Variants in ZNF577 observed in about 807,000 individuals in gnomAD.
The protein encoded by ZNF577 is zinc finger protein 577.
In ZNF577, 14 loss-of-function variants were observed where a neutral mutation model predicts 13.9. That is an observed-to-expected ratio of 1.00 (90% CI 0.66 to 1.57). ZNF577 has a LOEUF of 1.57. ZNF577 is among the 40% of genes most tolerant of loss of function. The pLI, the probability that ZNF577 is intolerant of heterozygous loss-of-function variation, is 0.00. For missense variants in ZNF577, 555 were observed against 579.2 expected, an observed-to-expected ratio of 0.96 and a Z score of 0.43; for synonymous variants, 203 against 202.9, an observed-to-expected ratio of 1.00 and a Z score of 0.00.
chr19:51,873,442 T>C lies in ZNF577; in HGVS notation c.548A>G (p.Glu183Gly). Residue 183 changes from glutamate (E) to glycine (G), a missense_variant, in exon 6 of 6, where the codon GAG (glutamate) becomes GGG (glycine). Transcript: ENST00000638348. ...LIQHQRTERG[E>G]KPHGCGECGK... is the part of the protein sequence containing the mutation. Reference sequence around the variant, plus strand: ...ACATTCACCACATCCATGGGGTTTCTCTCCTCTTTCAGTTCTCTGATGTTG... The same window carrying C: ...ACATTCACCACATCCATGGGGTTTCCCTCCTCTTTCAGTTCTCTGATGTTG... 2 of 1,614,236 alleles carry C rather than the reference T, an allele frequency of 1.2e-6. No homozygotes were observed. Among genetic ancestry groups the C allele is most frequent in the Non-Finnish European group, 8.5e-7 (1 of 1,180,044 alleles).
In ZNF577 at chr19:51,869,701, T is replaced by C. The variant is rs1401185392; in HGVS notation, c.*2831A>G. On this transcript the variant is annotated 3_prime_UTR_variant, in exon 6 of 6. Coordinates refer to ENST00000638348, the MANE Select transcript of ZNF577 (RefSeq NM_001370449.1). ...GTGTGGACGGGCTGGACCCCTTCAA[T>C]GTGGAGAAAAATGGCCAAAGGCAGA... 2.6e-5 allele frequency among the ~76,000 whole-genome samples: 4 copies of C among 152,106 alleles called. No homozygotes were observed. Among genetic ancestry groups the C allele is most frequent in the Non-Finnish European group, 5.9e-5 (4 of 68,022 alleles).
At chr19:51,843,623 T>G (rs902292774) in intron 6 of ZNF577, among the ~76,000 whole-genome samples, 6 of 152,204 alleles carry the variant, frequency 3.9e-5, no homozygotes, top group African/African-American at 1.2e-4. Context: ...ATTATACATA[T>G]TACAATAAAA....
At chr19:51,834,305 T>C (rs181296065) in intron 9 of ZNF577, among the ~76,000 whole-genome samples, 1 of 152,332 alleles carries the variant, frequency 6.6e-6, no homozygotes, top group Non-Finnish European at 1.5e-5. Flanking sequence ...GGCAAACTCC[T>C]GGCCTCAAGA....
chr19:51,804,825 G>C (rs1261353479), exon 11 of ZNF577: 2 of 152,198 alleles, frequency 1.3e-5, no homozygotes, highest in Admixed American at 6.5e-5. Flanking sequence ...TTTGGAAGAA[G>C]GGGTCCGGGG....
At chr19:51,813,647 C>A (rs1366810922) in intron 9 of ZNF577, among the ~76,000 whole-genome samples, 4 of 152,076 alleles carry the variant, frequency 2.6e-5, no homozygotes, top group African/African-American at 9.7e-5. Flanking sequence ...TTTCCCACCT[C>A]AGCCTCCCGA....
chr19:51,807,322 A>C (rs1245010213), intron 10 of ZNF577, among the ~76,000 whole-genome samples: 1 of 152,216 alleles, frequency 6.6e-6, no homozygotes, highest in Non-Finnish European at 1.5e-5. Flanking sequence ...CTCAATAGAT[A>C]ACTTCAAGGA....
chr19:51,839,557 T>A (rs999960318), intron 9 of ZNF577, among the ~76,000 whole-genome samples: 24 of 152,282 alleles, frequency 1.6e-4, no homozygotes, highest in Middle Eastern at 3.4e-3. Flanking sequence ...GGTTTCAGTA[T>A]GAAATGTTGG....
Position 51,867,695 on chromosome 19 carries a change from C to G in ZNF577, c.*4837G>C, listed in dbSNP as rs1427004883. On this transcript the variant is annotated 3_prime_UTR_variant, in exon 6 of 6. Transcript: ENST00000638348. ...AGCTACTCAGGAAGCTGAGGCAGGA[C>G]AATCACTTGAAACCGGAAGGTGGAG... 1.3e-5 allele frequency among the ~76,000 whole-genome samples: 2 copies of G among 151,696 alleles called. No individual in the cohort carries two copies. Among genetic ancestry groups the G allele is most frequent in the Non-Finnish European group, 2.9e-5 (2 of 67,966 alleles).
chr19:51,825,126 C>G, intron 9 of ZNF577: 1 of 271,854 alleles, frequency 3.7e-6, no homozygotes, highest in East Asian at 8.0e-5. Flanking sequence ...TTCGGACCAA[C>G]CAGCTTCAAT....
At position 51,871,434 on chromosome 19, in the gene ZNF577, T is replaced by A. The variant is rs796522534; in HGVS notation, c.*1098A>T. ...GCCTGGCCAGGTAGGTTAATTTATA[T>A]AATTTCAGAATAGATACAAATTTAC... On this transcript the variant is annotated 3_prime_UTR_variant, in exon 6 of 6. Coordinates refer to ENST00000638348, the MANE Select transcript of ZNF577 (RefSeq NM_001370449.1). 3 of 152,240 alleles carry A rather than the reference T, an allele frequency of 2.0e-5. No homozygotes were observed. Among genetic ancestry groups the A allele is most frequent in the African/African-American group, 7.2e-5 (3 of 41,536 alleles). 9.4% of individuals were successfully genotyped at this position (152,240 alleles called of 1,614,324 possible). A position where few individuals can be genotyped will look rare whatever the true frequency, so the allele number is the denominator to read the frequency against.
intron 4 of ZNF577, 87 bp downstream of exon 4, chr19:51,878,302 T>G (rs2084799648): frequency 7.2e-7 from 1 of 1,380,018 alleles, no homozygotes; most frequent in African/African-American, 1.5e-5. Context: ...ATATAATACT[T>G]TAGTCTAAAC....
intron 9 of ZNF577, among the ~76,000 whole-genome samples, chr19:51,814,006 C>A (rs1293587324): frequency 6.6e-6 from 1 of 152,198 alleles, no homozygotes; most frequent in Non-Finnish European, 1.5e-5. Context: ...GATGGTGAAG[C>A]AAAGGGCTTA....
intron 5 of ZNF577, among the ~76,000 whole-genome samples, chr19:51,849,422 G>A (rs1169702978): frequency 1.3e-5 from 2 of 152,096 alleles, no homozygotes; most frequent in Admixed American, 6.6e-5. Context: ...AAGGCGTTTC[G>A]TTCATGAGAA....
chr19:51,883,921 A>G (rs1028502333), intron 1 of ZNF577, among the ~76,000 whole-genome samples: 1 of 152,094 alleles, frequency 6.6e-6, no homozygotes, highest in African/African-American at 2.4e-5. Context: ...AAAAAATACA[A>G]AAATTAGCCT....
At chr19:51,822,864 T>C (rs1238357561) in intron 9 of ZNF577, among the ~76,000 whole-genome samples, 3 of 151,746 alleles carry the variant, frequency 2.0e-5, no homozygotes, top group Non-Finnish European at 4.4e-5. Flanking sequence ...ATATTTCTGC[T>C]CTTTTTTTTT....
Position 51,853,703 on chromosome 19 carries a change from T to G in ZNF577, c.284-8772A>C, listed in dbSNP as rs79463789. On this transcript the variant is annotated intron_variant and NMD_transcript_variant, in intron 5 of 10. Coordinates refer to the ZNF577 transcript ENST00000638827. ...TATAGTATCCCCAGATTTGTGAGCT[T>G]CTTGGCTTCCTTGAAACTTTCATTG... 1.4e-4 allele frequency among the ~76,000 whole-genome samples: 21 copies of G among 152,328 alleles called. No homozygotes were observed. The East Asian group carries it at 4.1e-3, about 29-fold the overall frequency.
At chr19:51,878,201 G>A (rs1020625266) in intron 4 of ZNF577, 188 bp downstream of exon 4, 7 of 455,824 alleles carry the variant, frequency 1.5e-5, no homozygotes, top group South Asian at 9.0e-5. Context: ...CTATGTGCGC[G>A]AATGCATTTA....
chr19:51,872,847 G>A lies in ZNF577; in HGVS notation c.1143C>T (p.Ala381=). 6.2e-7 allele frequency: 1 copy of A among 1,614,184 alleles called. No homozygotes were observed. Among genetic ancestry groups the A allele is most frequent in the Non-Finnish European group, 8.5e-7 (1 of 1,180,038 alleles). The part of the protein sequence containing the change: ...KHEKTHIRET[A]INSLTVEKPS... ...GTTTCTCCACCGTCAGTGAATTTAT[G>A]GCTGTCTCTCTTATGTGAGTTTTCT... The change falls in exon 6 of 6, where the codon GCC becomes GCT. Residue 381 remains alanine, a synonymous_variant. Coordinates refer to ENST00000638348, the MANE Select transcript of ZNF577 (RefSeq NM_001370449.1).
intron 3 of ZNF577, among the ~76,000 whole-genome samples, chr19:51,879,378 G>A (rs1289565440): frequency 6.6e-6 from 1 of 152,024 alleles, no homozygotes; most frequent in Admixed American, 6.6e-5. Flanking sequence ...GACCAGCCTG[G>A]CCAACATGGT....
Sources: allele counts gnomAD v4.1 joint callset (sites outside exome capture counted in the v4.1 genomes callset), GRCh38; gene constraint gnomAD v4.1.1; transcripts MANE v1.5; gene names NCBI Gene and HGNC (gene_info 2026-07-23, HGNC 2026-07-21).